KYNU: variants seen among roughly 807,000 people sequenced by gnomAD.
KYNU encodes the protein L-kynurenine hydrolase.
A neutral mutation model predicts 59.2 loss-of-function variants in KYNU; 54 were observed. The observed-to-expected ratio is 0.91, with a 90% CI of 0.73 to 1.14. The LOEUF is 1.14. Among genes scored for constraint, KYNU ranks in the 50% most tolerant of loss-of-function variants. The pLI, the probability that KYNU is intolerant of heterozygous loss-of-function variation, is 0.00. For missense variants in KYNU, 567 were observed against 554.4 expected (o/e 1.02, Z -0.23); for synonymous variants, 177 against 192.0 (o/e 0.92, Z 0.65).
intron 2 of KYNU, among the ~76,000 whole-genome samples, chr2:142,915,479 G>A (rs547851776): frequency 2.6e-4 from 39 of 152,166 alleles, no homozygotes; most frequent in Non-Finnish European, 4.9e-4. Flanking sequence ...GGGCTGGGGA[G>A]AAGATTTAAA....
At chr2:143,039,125 A>G (rs3768844) in intron 12 of KYNU, among the ~76,000 whole-genome samples, 23,915 of 152,016 alleles carry the variant, frequency 0.16, 1,963 homozygotes, top group East Asian at 0.27. Context: ...GTATTTTCAC[A>G]CCAGTGCTAG....
intron 4 of KYNU, among the ~76,000 whole-genome samples, chr2:142,941,167 GC>G (rs1683586781): frequency 6.6e-6 from 1 of 152,146 alleles, no homozygotes; most frequent in Admixed American, 6.5e-5. Context: ...TTGATGGGCA[GC>G]CCCCCATAGT....
At chr2:142,942,178 A>G (rs1239607251) in intron 4 of KYNU, among the ~76,000 whole-genome samples, 1 of 149,390 alleles carries the variant, frequency 6.7e-6, no homozygotes, top group Non-Finnish European at 1.5e-5. Flanking sequence ...AAAAAAAGAA[A>G]AAAAAAAAAG....
intron 10 of KYNU, among the ~76,000 whole-genome samples, chr2:143,003,374 G>T (rs1040219862): frequency 6.6e-6 from 1 of 152,140 alleles, no homozygotes; most frequent in East Asian, 1.9e-4. Context: ...GGCCAGCCTG[G>T]CCAAGATGGT....
chr2:142,954,712 A>G (rs539310554), intron 4 of KYNU, 98 bp from the exon 5 acceptor site: 1 of 801,726 alleles, frequency 1.2e-6, no homozygotes, highest in South Asian at 1.4e-5. Flanking sequence ...TTATCTCTAA[A>G]GACATTAAGA....
intron 1 of KYNU, among the ~76,000 whole-genome samples, chr2:142,883,903 A>T (rs1378671306): frequency 1.3e-5 from 2 of 152,234 alleles, no homozygotes; most frequent in Admixed American, 1.3e-4. Flanking sequence ...CATAATAGGT[A>T]CCAAATAAAT....
At chr2:142,910,879 G>A (rs1455630777) in intron 2 of KYNU, among the ~76,000 whole-genome samples, 2 of 152,074 alleles carry the variant, frequency 1.3e-5, no homozygotes, top group Non-Finnish European at 2.9e-5. Context: ...TTAGACTGTT[G>A]TAGATATGTG....
chr2:143,017,701 G>A lies in KYNU; in HGVS notation c.903-11926G>A, dbSNP rs1304383142. On this transcript the variant is annotated intron_variant, in intron 10 of 13. Transcript: ENST00000264170. ...GATCCACCTGACTTGGCCTCCCAAA[G>A]TGCTGGGATTACAGGTGTGAGCCAT... 2.6e-5 allele frequency among the ~76,000 whole-genome samples: 4 copies of A among 151,952 alleles called. No individual in the cohort carries two copies. The East Asian group carries it at 7.7e-4, about 29-fold the overall frequency.
At chr2:142,954,955 G>A (rs2105084300) in intron 5 of KYNU, 84 bp downstream of exon 5, 1 of 864,828 alleles carries the variant, frequency 1.2e-6, no homozygotes, top group Non-Finnish European at 1.9e-6. Flanking sequence ...TGAGCTTCTG[G>A]GGGTTTACTT....
chr2:142,948,621 C>T (rs1683879352), intron 4 of KYNU, among the ~76,000 whole-genome samples: 1 of 151,784 alleles, frequency 6.6e-6, no homozygotes, highest in Non-Finnish European at 1.5e-5. Context: ...CATCAGATCT[C>T]ATGAGACTTA....
chr2:143,026,653 G>A (rs148007255), intron 10 of KYNU, among the ~76,000 whole-genome samples: 2 of 152,336 alleles, frequency 1.3e-5, no homozygotes, highest in African/African-American at 4.8e-5. Context: ...TGAACTCCAT[G>A]CAGGCCCCAC....
chr2:142,891,594 G>A (rs1217453029), intron 2 of KYNU, among the ~76,000 whole-genome samples: 2 of 152,122 alleles, frequency 1.3e-5, no homozygotes, highest in Non-Finnish European at 2.9e-5. Flanking sequence ...AATTGGCATA[G>A]CAAAATAATC....
At chr2:143,027,516 C>T (rs1423405098) in intron 10 of KYNU, among the ~76,000 whole-genome samples, 1 of 152,170 alleles carries the variant, frequency 6.6e-6, no homozygotes, top group Non-Finnish European at 1.5e-5. Flanking sequence ...CCTTTATAAA[C>T]TGCCTGTCCC....
At chr2:142,984,822 T>G (rs1429588964) in intron 8 of KYNU, among the ~76,000 whole-genome samples, 4 of 152,006 alleles carry the variant, frequency 2.6e-5, no homozygotes, top group African/African-American at 7.2e-5. Context: ...GTTTTACCCA[T>G]CACTGCTTTT....
At chr2:142,912,642 G>C (rs1027158835) in intron 2 of KYNU, among the ~76,000 whole-genome samples, 9 of 148,780 alleles carry the variant, frequency 6.0e-5, no homozygotes, top group Non-Finnish European at 1.3e-4. Context: ...GCCTCCCAAA[G>C]TGCTGGGATT....
intron 4 of KYNU, among the ~76,000 whole-genome samples, chr2:142,933,485 A>G (rs995251270): frequency 6.6e-6 from 1 of 152,130 alleles, no homozygotes; most frequent in African/African-American, 2.4e-5. Context: ...CATCCCACTA[A>G]TCCTAGAAAA....
intron 2 of KYNU, among the ~76,000 whole-genome samples, chr2:142,907,864 A>C (rs901964137): frequency 6.6e-6 from 1 of 152,202 alleles, no homozygotes; most frequent in Non-Finnish European, 1.5e-5. Context: ...AGGAATTCTT[A>C]GTCAACCTAG....
Position 142,927,683 on chromosome 2 carries a change from G to A in KYNU, c.315G>A (p.Gly105=). 1 of 1,613,364 alleles carries A rather than the reference G, an allele frequency of 6.2e-7. No individual in the cohort carries two copies. The highest frequency in any genetic ancestry group is 8.5e-7 in the Non-Finnish European group (1 of 1,179,460). The change falls in exon 4 of 14, where the codon GGG becomes GGA. Residue 105 remains glycine (G), a synonymous_variant. Transcript: ENST00000264170. ...AKIAAYGHEV[G]KRPWITGDES... ...GAGCAGCCTATGGTCATGAAGTGGG[G>A]AAGCGTCCTTGGATTACAGGAGATG...
chr2:142,951,321 C>G (rs1345022441), intron 4 of KYNU, among the ~76,000 whole-genome samples: 1 of 152,130 alleles, frequency 6.6e-6, no homozygotes, highest in African/African-American at 2.4e-5. Flanking sequence ...CTTTGGGAGG[C>G]CAAGGCAGGA....
Sources: allele counts gnomAD v4.1 joint callset (sites outside exome capture counted in the v4.1 genomes callset), GRCh38; gene constraint gnomAD v4.1.1; transcripts MANE v1.5; gene names NCBI Gene and HGNC (gene_info 2026-07-23, HGNC 2026-07-21).